Variants in FHOD3 observed in about 807,000 individuals in gnomAD.
FHOD3 encodes the protein formin homology 2 domain containing 3.
Under a neutral mutation model 173.0 loss-of-function variants are expected in FHOD3, and 90 were observed. The observed-to-expected ratio is 0.52, with a 90% CI of 0.44 to 0.62. The LOEUF is 0.62. Ranked by LOEUF, FHOD3 falls within the 20% of genes least tolerant of loss-of-function variation. The pLI, the probability that FHOD3 is intolerant of heterozygous loss-of-function variation, is 0.00. For missense variants in FHOD3, 1,945 were observed against 2,034.7 expected (o/e 0.96, Z 0.85); for synonymous variants, 828 against 823.0 (o/e 1.01, Z -0.10).
At chr18:36,612,231 C>T (rs2032758044) in intron 9 of FHOD3, 136 bp downstream of exon 9, 1 of 897,302 alleles carries the variant, frequency 1.1e-6, no homozygotes. Context: ...GTAGGCTTCA[C>T]CCCAGACCTA....
intron 5 of FHOD3, among the ~76,000 whole-genome samples, chr18:36,572,228 C>T (rs2058477801): frequency 6.6e-6 from 1 of 152,182 alleles, no homozygotes; most frequent in African/African-American, 2.4e-5. Flanking sequence ...TGCCATCTAC[C>T]TCTGTGTTCT....
At chr18:36,380,584 TTTCCTTTCCTTTCCTTTCCTTTCC>T (rs2047719701) in intron 3 of FHOD3, among the ~76,000 whole-genome samples, 2 of 88,348 alleles carry the variant, frequency 2.3e-5, no homozygotes, top group African/African-American at 9.2e-5. Flanking sequence ...TTTCTTTTCC[TTTCCTTTCCTTTCCTTTCCTTTCC>T]TTTCCTTTCC....
intron 22 of FHOD3, among the ~76,000 whole-genome samples, chr18:36,743,421 A>AACT (rs1291786770): frequency 1.3e-5 from 2 of 152,114 alleles, no homozygotes; most frequent in African/African-American, 4.8e-5. Flanking sequence ...TATGAAGTGT[A>AACT]ACTACTCTCA....
chr18:36,747,015 T>C lies in FHOD3; in HGVS notation c.4112T>C (p.Leu1371Pro). The change falls in exon 24 of 29, where the codon CTC becomes CCC. Residue 1371 changes from leucine to proline, a missense_variant. By Grantham distance (98) the Leu-to-Pro change is moderately conservative. Transcript: ENST00000590592. ...AGATGCAAAGCTTCATGGGATCACC[T>C]CAAGGCAATTGCAAAACATGAAATG... Reference protein sequence around the residue: ...ERRCKASWDHLKAIAKHEMKP... With the variant: ...ERRCKASWDHPKAIAKHEMKP... The C allele has an allele frequency of 6.2e-7, 1 of 1,614,046 alleles. No homozygotes were observed. The highest frequency in any genetic ancestry group is 8.5e-7 in the Non-Finnish European group (1 of 1,179,992).
At chr18:36,589,029 T>C (rs529191774) in intron 6 of FHOD3, among the ~76,000 whole-genome samples, 1 of 152,338 alleles carries the variant, frequency 6.6e-6, no homozygotes, top group African/African-American at 2.4e-5. Context: ...CTTCCTTGGG[T>C]CAAGAGGAAT....
chr18:36,316,059 T>C (rs182085101), intron 1 of FHOD3, among the ~76,000 whole-genome samples: 1 of 151,114 alleles, frequency 6.6e-6, no homozygotes, highest in Non-Finnish European at 1.5e-5. Flanking sequence ...TCTTTGTGTC[T>C]CAGGTCTCTG....
At chr18:36,638,309 T>C (rs1488853614) in intron 10 of FHOD3, among the ~76,000 whole-genome samples, 2 of 152,150 alleles carry the variant, frequency 1.3e-5, no homozygotes, top group African/African-American at 4.8e-5. Context: ...TTGGTATATC[T>C]GGGTATCTAA....
chr18:36,298,059 C>T lies in FHOD3; in HGVS notation c.165+59C>T, dbSNP rs374702649. 6.7e-5 allele frequency: 93 copies of T among 1,389,790 alleles called. 1 individual carries two copies. The East Asian group carries it at 2.0e-3, about 30-fold the overall frequency. The allele number at this position is 1,389,790 out of a possible 1,614,324, so 86.1% of individuals were successfully genotyped here. A position where few individuals can be genotyped will look rare whatever the true frequency, so the allele number is the denominator to read the frequency against. On this transcript the variant is annotated intron_variant, in intron 1 of 28. Coordinates refer to ENST00000590592, the MANE Select transcript of FHOD3 (RefSeq NM_001281740.3). ...ACTCAGCCCCCTGCCGCGGTGCGCG[C>T]CGGGGTGGGTCCCGGGGCTTCGTGG...
intron 15 of FHOD3, among the ~76,000 whole-genome samples, chr18:36,686,823 T>C (rs2149447853): frequency 6.6e-6 from 1 of 152,286 alleles, no homozygotes; most frequent in Non-Finnish European, 1.5e-5. Context: ...TATTTATGGA[T>C]TTTTTAAAAA....
At chr18:36,681,634 A>G in intron 15 of FHOD3, 64 bp downstream of exon 15, 1 of 1,520,496 alleles carries the variant, frequency 6.6e-7, no homozygotes, top group Non-Finnish European at 8.9e-7. Context: ...GTGACTTTAC[A>G]ACTGTATACA....
intron 3 of FHOD3, among the ~76,000 whole-genome samples, chr18:36,469,478 C>A (rs1488553561): frequency 6.6e-6 from 1 of 152,128 alleles, no homozygotes; most frequent in Admixed American, 6.5e-5. Flanking sequence ...CCATGTACAG[C>A]AGGCTGGCTG....
At chr18:36,672,189 C>T (rs889089063) in intron 14 of FHOD3, among the ~76,000 whole-genome samples, 8 of 152,064 alleles carry the variant, frequency 5.3e-5, no homozygotes, top group South Asian at 2.1e-4. Flanking sequence ...TATTGGAGTC[C>T]GCCAATGAAG....
intron 10 of FHOD3, among the ~76,000 whole-genome samples, chr18:36,635,183 C>G (rs1390997928): frequency 1.3e-5 from 2 of 152,240 alleles, no homozygotes; most frequent in East Asian, 3.9e-4. Context: ...AAGGCAGAGG[C>G]ACTGGGACAT....
At chr18:36,705,947 CTGTGTGTGTGTGTGTGTGTGTGTG>C (rs3222016) in intron 17 of FHOD3, among the ~76,000 whole-genome samples, 13 of 142,800 alleles carry the variant, frequency 9.1e-5, no homozygotes, top group East Asian at 2.1e-4. Context: ...TCAGAAGGAA[CTGTGTGTGTGTGTGTGTGTGTGTG>C]TGTGTGTGTG....
At chr18:36,447,362 C>T (rs2144108734) in intron 3 of FHOD3, among the ~76,000 whole-genome samples, 1 of 152,294 alleles carries the variant, frequency 6.6e-6, no homozygotes, top group East Asian at 1.9e-4. Flanking sequence ...CTCAGGATGA[C>T]TTTGTGCTTG....
At chr18:36,323,822 T>A (rs1050160360) in intron 1 of FHOD3, among the ~76,000 whole-genome samples, 6 of 152,258 alleles carry the variant, frequency 3.9e-5, no homozygotes, top group Admixed American at 3.9e-4. Context: ...AGCTTTATGC[T>A]ATAAAGTACT....
At chr18:36,654,030 C>G (rs2036244611) in intron 13 of FHOD3, among the ~76,000 whole-genome samples, 2 of 152,180 alleles carry the variant, frequency 1.3e-5, no homozygotes, top group African/African-American at 4.8e-5. Context: ...GAGTCGCTTC[C>G]TAACCCGTAC....
intron 3 of FHOD3, among the ~76,000 whole-genome samples, chr18:36,472,529 A>G (rs1194741240): frequency 6.6e-6 from 1 of 152,114 alleles, no homozygotes. Flanking sequence ...CATCACCCCA[A>G]ATAAAAACCT....
In FHOD3 at chr18:36,440,628, T is replaced by C. The variant is rs1475810565; in HGVS notation, c.338-61304T>C. ...AGTGCTGCTCCAGGACTCTGAAGAT[T>C]ATCTTGAGGCAGGAGTGGTGGAGGC... On this transcript the variant is annotated intron_variant, in intron 3 of 28. Coordinates refer to ENST00000590592, the MANE Select transcript of FHOD3 (RefSeq NM_001281740.3). Among the ~76,000 whole-genome samples the C allele has an allele frequency of 2.6e-5, 4 of 152,226 alleles. No individual in the cohort carries two copies. In the East Asian group the frequency reaches 5.8e-4, roughly 22 times the overall value.
Sources: gnomAD v4.1 joint callset for allele counts (sites outside exome capture counted in the v4.1 genomes callset) on GRCh38, gnomAD v4.1.1 for gene constraint, MANE v1.5 for transcripts, NCBI Gene and HGNC (gene_info 2026-07-23, HGNC 2026-07-21) for gene names.